Variants in PLEKHG3 observed in about 807,000 individuals in gnomAD.
The protein encoded by PLEKHG3 is pleckstrin homology domain-containing family G member 3.
PLEKHG3 carries 62 observed loss-of-function variants against 94.9 expected under a neutral mutation model. The observed-to-expected ratio is 0.65, with a 90% CI of 0.53 to 0.81. The LOEUF (loss-of-function observed/expected upper bound fraction) is 0.81, where lower values mean the gene tolerates loss of function less well. PLEKHG3 is among the 30% of genes least tolerant of loss of function. PLEKHG3 has a pLI of 0.00. For synonymous variants in PLEKHG3, 614 were observed against 654.0 expected, an observed-to-expected ratio of 0.94 and a Z score of 0.93; for missense variants, 1,461 against 1,619.3, an observed-to-expected ratio of 0.90 and a Z score of 1.68.
Position 64,741,677 on chromosome 14 carries a change from T to A in PLEKHG3, c.2160T>A (p.Ile720=). 1 of 1,612,816 alleles carries A rather than the reference T, an allele frequency of 6.2e-7. No individual in the cohort carries two copies. Among genetic ancestry groups the A allele is most frequent in the Non-Finnish European group, 8.5e-7 (1 of 1,179,994 alleles). ...GAGACCGGCTGTTGCTAGACAAGAT[T>A]AAGAGCTATTATGAAAATGCAGAAC... ...STRDRLLLDK[I]KSYYENAEHH... is the part of the protein sequence containing the mutation. The change falls in exon 16 of 17, where the codon ATT becomes ATA. Residue 720 remains isoleucine, a synonymous_variant. Coordinates refer to ENST00000247226, the MANE Select transcript of PLEKHG3 (RefSeq NM_001308147.2).
intron 16 of PLEKHG3, among the ~76,000 whole-genome samples, chr14:64,742,683 T>C (rs1427129889): frequency 6.6e-6 from 1 of 152,200 alleles, no homozygotes; most frequent in Non-Finnish European, 1.5e-5. Context: ...GCTCTGGCCC[T>C]TCCCATCCAG....
chr14:64,746,202 C>G lies in PLEKHG3; in HGVS notation c.*2499C>G, dbSNP rs561002775. 6.6e-6 allele frequency: 1 copy of G among 152,272 alleles called. No homozygotes were observed. Among genetic ancestry groups the G allele is most frequent in the South Asian group, 2.1e-4 (1 of 4,822 alleles). 9.4% of individuals were successfully genotyped at this position (152,272 alleles called of 1,614,324 possible). A position where few individuals can be genotyped will look rare whatever the true frequency, so the allele number is the denominator to read the frequency against. On this transcript the variant is annotated 3_prime_UTR_variant, in exon 17 of 17. Transcript: ENST00000247226. The surrounding 1 kb of genome is among the most constrained non-coding windows in gnomAD (Gnocchi z 4.9). The stretch of plus-strand genomic sequence containing the variant: ...GGACAAGCTAGAGAATCTGGCTGTC[C>G]CTCTGTCTCCATGGTGCCAGCCCTC...
rs2081466794 is a variant in PLEKHG3, at chr14:64,731,627, G to T, written c.1032+84G>T. ...CTCCCCTTCTTGTCTGCTTCTTGGG[G>T]CTCCAGCACCACCCTTCTGAGATCA... On this transcript the variant is annotated intron_variant, in intron 8 of 16. Coordinates refer to ENST00000247226, the MANE Select transcript of PLEKHG3 (RefSeq NM_001308147.2). The surrounding 1 kb of genome is among the most constrained non-coding windows in gnomAD (Gnocchi z 6.1). 1.3e-6 allele frequency: 2 copies of T among 1,522,978 alleles called. No homozygotes were observed. The highest frequency in any genetic ancestry group is 1.8e-6 in the Non-Finnish European group (2 of 1,097,748). 94.3% of individuals were successfully genotyped at this position (1,522,978 alleles called of 1,614,324 possible). A position where few individuals can be genotyped will look rare whatever the true frequency, so the allele number is the denominator to read the frequency against.
intron 1 of PLEKHG3, among the ~76,000 whole-genome samples, chr14:64,708,069 T>C (rs2081001910): frequency 6.6e-6 from 1 of 152,214 alleles, no homozygotes; most frequent in South Asian, 2.1e-4. Context: ...TTTTAGATAT[T>C]GGGCAGGAGT....
chr14:64,748,934 CTCTTTTTT>C lies in PLEKHG3; in HGVS notation c.*5233_*5240del. Reference sequence around the variant, plus strand: ...GAAGAACCCCATCAGCCTTCTCCAGCTCTTTTTTTTTTTTTTTTTTGGTTGGGGGTAAG... The same window carrying C: ...GAAGAACCCCATCAGCCTTCTCCAGCTTTTTTTTTTTTGGTTGGGGGTAAG... On this transcript the variant is annotated 3_prime_UTR_variant, in exon 17 of 17. Transcript: ENST00000247226. 6.2e-6 allele frequency: 1 copy of C among 161,002 alleles called. No individual in the cohort carries two copies. The highest frequency in any genetic ancestry group is 1.2e-5 in the Non-Finnish European group (1 of 86,810). The allele number at this position is 161,002 out of a possible 1,614,324, so 10.0% of individuals were successfully genotyped here.
chr14:64,728,757 T>C lies in PLEKHG3; in HGVS notation c.352-239T>C, dbSNP rs944530273. ...CAGCCACTGGATTTGGGGCCCACCC[T>C]AAATCCTATCTGAAGTCATCTTGAG... On this transcript the variant is annotated intron_variant, in intron 2 of 16. Transcript: ENST00000247226. This position sits in a 1 kb window ranked among gnomAD's most constrained non-coding sequence, Gnocchi z 5.9. Among the ~76,000 whole-genome samples the C allele has an allele frequency of 2.6e-5, 4 of 152,202 alleles. No individual in the cohort carries two copies. Among genetic ancestry groups the C allele is most frequent in the African/African-American group, 9.6e-5 (4 of 41,454 alleles).
chr14:64,728,413 G>A lies in PLEKHG3; in HGVS notation c.351+431G>A, dbSNP rs1434409846. 6.6e-6 allele frequency among the ~76,000 whole-genome samples: 1 copy of A among 152,270 alleles called. No homozygotes were observed. Among genetic ancestry groups the A allele is most frequent in the African/African-American group, 2.4e-5 (1 of 41,472 alleles). ...GAAGGGCAGCTGTGTGGCTGCCACT[G>A]AGGAAGCCCTCTGCCCCACTGGCTC... On this transcript the variant is annotated intron_variant, in intron 2 of 16. Coordinates refer to ENST00000247226, the MANE Select transcript of PLEKHG3 (RefSeq NM_001308147.2). The surrounding 1 kb of genome is among the most constrained non-coding windows in gnomAD (Gnocchi z 5.9).
At chr14:64,724,512 C>G (rs2081319058) in intron 1 of PLEKHG3, among the ~76,000 whole-genome samples, 1 of 152,198 alleles carries the variant, frequency 6.6e-6, no homozygotes, top group African/African-American at 2.4e-5. Flanking sequence ...CTCTTCCTTT[C>G]TGCTTACCCA....
Position 64,732,016 on chromosome 14 carries a change from G to A in PLEKHG3, c.1126-79G>A. The A allele has an allele frequency of 7.2e-6, 8 of 1,109,650 alleles. No individual in the cohort carries two copies. The South Asian group carries it at 1.0e-4, about 14-fold the overall frequency. 68.7% of individuals were successfully genotyped at this position (1,109,650 alleles called of 1,614,324 possible). A position where few individuals can be genotyped will look rare whatever the true frequency, so the allele number is the denominator to read the frequency against. On this transcript the variant is annotated intron_variant, in intron 9 of 16. Transcript: ENST00000247226. The surrounding 1 kb of genome is among the most constrained non-coding windows in gnomAD (Gnocchi z 4.9). ...AGCATGGCCCCACTTTTTCTCCCTG[G>A]GTGGAAGCACTGTCCATGCTAGACA...
chr14:64,731,435 A>G lies in PLEKHG3; in HGVS notation c.924A>G (p.Thr308=), dbSNP rs766689962. ...TTYGELVLEG[T]FRVHRVRNER... is the part of the protein sequence containing the mutation. ...ACGGGGAGCTTGTCCTGGAGGGCAC[A>G]TTCCGCGTGCATCGCGTGCGCAATG... The change falls in exon 8 of 17, where the codon ACA becomes ACG. Residue 308 remains threonine (T), a synonymous_variant. Coordinates refer to ENST00000247226, the MANE Select transcript of PLEKHG3 (RefSeq NM_001308147.2). The surrounding 1 kb of genome is among the most constrained non-coding windows in gnomAD (Gnocchi z 6.1). 20 of 1,613,924 alleles carry G rather than the reference A, an allele frequency of 1.2e-5. No individual in the cohort carries two copies. Among genetic ancestry groups the G allele is most frequent in the African/African-American group, 2.7e-5 (2 of 74,928 alleles).
intron 12 of PLEKHG3, among the ~76,000 whole-genome samples, chr14:64,733,251 G>A (rs1317022999): frequency 1.4e-5 from 2 of 146,164 alleles, no homozygotes; most frequent in African/African-American, 2.6e-5. Context: ...TGCAACCTCT[G>A]CCTCCTGGGT....
chr14:64,750,247 A>G lies in PLEKHG3; in HGVS notation c.*6544A>G, dbSNP rs1395716453. ...CTTCACCATTAAAAAAAATTACACC[A>G]TGTTTGTTCTGATACATAGTAACAT... On this transcript the variant is annotated 3_prime_UTR_variant, in exon 17 of 17. Transcript: ENST00000247226. 9 of 1,288,942 alleles carry G rather than the reference A, an allele frequency of 7.0e-6. No individual in the cohort carries two copies. The highest frequency in any genetic ancestry group is 7.5e-6 in the Non-Finnish European group (7 of 936,288). The allele number at this position is 1,288,942 out of a possible 1,614,324, so 79.8% of individuals were successfully genotyped here.
Position 64,731,827 on chromosome 14 carries a change from A to G in PLEKHG3, c.1125+21A>G, listed in dbSNP as rs374364724. 16 of 1,550,700 alleles carry G rather than the reference A, an allele frequency of 1.0e-5. No homozygotes were observed. Among genetic ancestry groups the G allele is most frequent in the Non-Finnish European group, 1.2e-5 (14 of 1,123,194 alleles). On this transcript the variant is annotated intron_variant, in intron 9 of 16. Coordinates refer to ENST00000247226, the MANE Select transcript of PLEKHG3 (RefSeq NM_001308147.2). This position sits in a 1 kb window ranked among gnomAD's most constrained non-coding sequence, Gnocchi z 6.1. ...TCCAGGTGAGGGGAAGGTGGGGCTC[A>G]GGGGCTAGGGAACAAGATGCCCAGG...
At position 64,739,891 on chromosome 14, in the gene PLEKHG3, T is replaced by C. The variant is rs2139395705; in HGVS notation, c.1518+1036T>C. 6.6e-6 allele frequency among the ~76,000 whole-genome samples: 1 copy of C among 152,294 alleles called. No homozygotes were observed. Among genetic ancestry groups the C allele is most frequent in the African/African-American group, 2.4e-5 (1 of 41,560 alleles). On this transcript the variant is annotated intron_variant, in intron 15 of 16. Coordinates refer to ENST00000247226, the MANE Select transcript of PLEKHG3 (RefSeq NM_001308147.2). The surrounding 1 kb of genome is among the most constrained non-coding windows in gnomAD (Gnocchi z 4.1). ...TGGGTGTTAGCCTCCACATGGCAAT[T>C]TTAGAGATACACAGACATTCAGAGC...
chr14:64,714,819 A>G (rs1033378471), intron 1 of PLEKHG3, among the ~76,000 whole-genome samples: 3 of 152,142 alleles, frequency 2.0e-5, no homozygotes, highest in Non-Finnish European at 4.4e-5. Context: ...AATACCATCC[A>G]TGCTGTGTGC....
intron 1 of PLEKHG3, among the ~76,000 whole-genome samples, chr14:64,708,646 A>C (rs1998120): frequency 0.15 from 22,681 of 152,018 alleles, 1,811 homozygotes; most frequent in African/African-American, 0.18. Context: ...TGAGTCTCCG[A>C]CCCTCTCTGC....
In PLEKHG3 at chr14:64,726,643, G is replaced by A. The variant is rs900688073; in HGVS notation, c.-39-950G>A. Among the ~76,000 whole-genome samples, 2 of 152,164 alleles carry A rather than the reference G, an allele frequency of 1.3e-5. No individual in the cohort carries two copies. Among genetic ancestry groups the A allele is most frequent in the African/African-American group, 2.4e-5 (1 of 41,430 alleles). On this transcript the variant is annotated intron_variant, in intron 1 of 16. Coordinates refer to ENST00000247226, the MANE Select transcript of PLEKHG3 (RefSeq NM_001308147.2). The surrounding 1 kb of genome is among the most constrained non-coding windows in gnomAD (Gnocchi z 5.1). ...CTGAGGCTCTGTTTGCCTCACCTGG[G>A]TGCAGTTTACTGCTTTCTCTGCTGC... is the stretch of plus-strand genomic sequence containing the variant.
intron 15 of PLEKHG3, among the ~76,000 whole-genome samples, chr14:64,740,667 C>A (rs1305390868): frequency 6.6e-6 from 1 of 152,260 alleles, no homozygotes; most frequent in Admixed American, 6.5e-5. Flanking sequence ...TTCCATGACA[C>A]TGTGAGAACC....
In PLEKHG3 at chr14:64,738,217, G is replaced by A. The variant is rs1346154186; in HGVS notation, c.1405-525G>A. 5 of 1,288,160 alleles carry A rather than the reference G, an allele frequency of 3.9e-6. No homozygotes were observed. The highest frequency in any genetic ancestry group is 1.0e-6 in the Non-Finnish European group (1 of 988,756). 79.8% of individuals were successfully genotyped at this position (1,288,160 alleles called of 1,614,324 possible). On this transcript the variant is annotated intron_variant, in intron 14 of 16. Coordinates refer to ENST00000247226, the MANE Select transcript of PLEKHG3 (RefSeq NM_001308147.2). This position sits in a 1 kb window ranked among gnomAD's most constrained non-coding sequence, Gnocchi z 4.8. ...GCCAACGCTTTACTTTTCTCCCGGG[G>A]CGCTATGGTGAGGTGTCTCTTCGAT...
Sources: gnomAD v4.1 joint callset for allele counts (sites outside exome capture counted in the v4.1 genomes callset) on GRCh38, gnomAD v4.1.1 for gene constraint, Gnocchi (gnomAD v3.1) non-coding constraint, MANE v1.5 for transcripts, NCBI Gene and HGNC (gene_info 2026-07-23, HGNC 2026-07-21) for gene names.